The following SEPTIN10 variants were observed in gnomAD, a reference collection of about 807,000 sequenced individuals.
SEPTIN10 encodes the protein septin 10, also known as septin-10.
SEPTIN10 carries 66 observed loss-of-function variants against 54.8 expected under a neutral mutation model. The observed-to-expected ratio is 1.21, with a 90% CI of 0.99 to 1.48. The LOEUF (loss-of-function observed/expected upper bound fraction) is 1.48. Among genes scored for constraint, SEPTIN10 ranks in the 40% most tolerant of loss-of-function variants. SEPTIN10 has a pLI of 0.00. For synonymous variants in SEPTIN10, 161 were observed against 181.0 expected (o/e 0.89, Z 0.89); for missense variants, 620 against 545.6 (o/e 1.14, Z -1.36).
rs1258894314 is a variant in SEPTIN10 at position 109,613,965 on chromosome 2, G to A, written c.-138C>T. 6.6e-6 allele frequency: 8 copies of A among 1,205,112 alleles called. No individual in the cohort carries two copies. The African/African-American group carries it at 9.5e-5, about 14-fold the overall frequency. The allele number at this position is 1,205,112 out of a possible 1,614,324, so 74.7% of individuals were successfully genotyped here. On this transcript the variant is annotated 5_prime_UTR_variant, in exon 1 of 11. Transcript: ENST00000397712. ...CTAGGCTGCCTCCGCGACGGGGAAG[G>A]GACAGGGGCGGGGCCGAGCTGGAGG... is the stretch of plus-strand genomic sequence containing the variant.
intron 1 of SEPTIN10, among the ~76,000 whole-genome samples, chr2:109,607,228 G>GT (rs1250260159): frequency 2.0e-5 from 3 of 152,156 alleles, no homozygotes; most frequent in Non-Finnish European, 2.9e-5. Flanking sequence ...GCTGCTTGGA[G>GT]TAAGACTACA....
At chr2:109,606,279 G>A (rs955366468) in intron 1 of SEPTIN10, among the ~76,000 whole-genome samples, 9 of 152,082 alleles carry the variant, frequency 5.9e-5, no homozygotes, top group African/African-American at 2.2e-4. Context: ...GCTGGGTGTG[G>A]TGGCACATGC....
chr2:109,579,594 G>A (rs1690601630), intron 4 of SEPTIN10, among the ~76,000 whole-genome samples: 1 of 151,300 alleles, frequency 6.6e-6, no homozygotes, highest in Non-Finnish European at 1.5e-5. Context: ...TGCTGGTCAG[G>A]CTGGTCTCAA....
chr2:109,546,169 T>A lies in SEPTIN10; in HGVS notation c.1230A>T (p.Arg410Ser). 1 of 1,609,764 alleles carries A rather than the reference T, an allele frequency of 6.2e-7. No individual in the cohort carries two copies. The highest frequency in any genetic ancestry group is 8.5e-7 in the Non-Finnish European group (1 of 1,178,452). The change falls in exon 10 of 11, where the codon AGA becomes AGT. Residue 410 changes from arginine to serine, a missense_variant. By Grantham distance (110) the Arg-to-Ser change is moderately radical. Transcript: ENST00000397712. The stretch of plus-strand genomic sequence containing the variant: ...CAATTATTTCTTCTTCCAAAAGTCT[T>A]CTCTTTTCTTCAAGCTTCATTCTCT... ...QEERMKLEEK[R>S]RLLEEEIIAF...
Position 109,589,106 on chromosome 2 carries a change from TTTTG to T in SEPTIN10, c.100-3272_100-3269del, listed in dbSNP as rs910047204. ...CACGCCTGGGTAATTTTTGTGGTTTTTTTGTTTGTTTGTTTGTTGTTGTTGGTTT... is the reference window on the plus strand; with the variant it reads ...CACGCCTGGGTAATTTTTGTGGTTTTTTTGTTTGTTTGTTGTTGTTGGTTT... On this transcript the variant is annotated intron_variant, in intron 2 of 10. Transcript: ENST00000397712. Among the ~76,000 whole-genome samples, 51 of 150,818 alleles carry T rather than the reference TTTTG, an allele frequency of 3.4e-4. 1 individual carries two copies. Among genetic ancestry groups the T allele is most frequent in the African/African-American group, 7.7e-4 (31 of 40,288 alleles).
At chr2:109,570,895 G>A (rs1437305427) in intron 5 of SEPTIN10, among the ~76,000 whole-genome samples, 1 of 152,162 alleles carries the variant, frequency 6.6e-6, no homozygotes, top group Admixed American at 6.5e-5. Context: ...GTTATATACA[G>A]TCATGTGTGG....
rs1689272153 is a variant in SEPTIN10, at chr2:109,574,761, T to C, written c.420A>G (p.Gln140=). Reference sequence around the variant, plus strand: ...GAGCATCTATGTAGTCAACTATTGGTTGGTAGCTGAAAAATTATTTAAATG... The same window carrying C: ...GAGCATCTATGTAGTCAACTATTGGCTGGTAGCTGAAAAATTATTTAAATG... ...GDQINKEESY[Q]PIVDYIDAQF... is the part of the protein sequence containing the mutation. Residue 140 remains glutamine (Q), a synonymous_variant, in exon 5 of 11, where the codon CAA becomes CAG. Coordinates refer to ENST00000397712, the MANE Select transcript of SEPTIN10 (RefSeq NM_144710.5). The C allele has an allele frequency of 1.3e-6, 2 of 1,571,062 alleles. No homozygotes were observed. Among genetic ancestry groups the C allele is most frequent in the South Asian group, 2.4e-5 (2 of 83,016 alleles).
At chr2:109,574,149 T>G (rs1389825945) in intron 5 of SEPTIN10, among the ~76,000 whole-genome samples, 1 of 152,068 alleles carries the variant, frequency 6.6e-6, no homozygotes, top group Non-Finnish European at 1.5e-5. Context: ...GTTTTAAAGA[T>G]TTCCAGGCGC....
intron 2 of SEPTIN10, 115 bp downstream of exon 2, chr2:109,592,936 G>A: frequency 1.8e-6 from 1 of 545,572 alleles, no homozygotes; most frequent in Admixed American, 3.7e-5. Flanking sequence ...CACGTTGGAG[G>A]TAAGTACAAA....
intron 5 of SEPTIN10, among the ~76,000 whole-genome samples, chr2:109,571,112 C>CAA (rs921126618): frequency 2.0e-5 from 3 of 152,134 alleles, no homozygotes; most frequent in African/African-American, 7.2e-5. Context: ...TCCTCCTTCT[C>CAA]AGGTCATATA....
intron 2 of SEPTIN10, among the ~76,000 whole-genome samples, chr2:109,590,345 CAG>C (rs1270538227): frequency 6.6e-6 from 1 of 152,010 alleles, no homozygotes; most frequent in Non-Finnish European, 1.5e-5. Flanking sequence ...AGAGATTTTA[CAG>C]AGTGATTAAG....
intron 9 of SEPTIN10, among the ~76,000 whole-genome samples, chr2:109,551,432 C>A (rs78580113): frequency 1.2e-4 from 18 of 152,106 alleles, no homozygotes; most frequent in Non-Finnish European, 1.5e-4. Context: ...ACATAATACC[C>A]ATGTACAATA....
chr2:109,567,536 C>T (rs183580590), intron 6 of SEPTIN10, among the ~76,000 whole-genome samples: 60 of 152,300 alleles, frequency 3.9e-4, no homozygotes, highest in Admixed American at 7.2e-4. Flanking sequence ...AAGGCAATTA[C>T]ATATGGCTGC....
intron 4 of SEPTIN10, among the ~76,000 whole-genome samples, chr2:109,577,392 G>A (rs544613422): frequency 6.6e-6 from 1 of 151,944 alleles, no homozygotes. Flanking sequence ...TCAGGAGTTC[G>A]AGACCAGCCT....
intron 4 of SEPTIN10, among the ~76,000 whole-genome samples, chr2:109,581,859 C>G (rs1691226424): frequency 6.6e-6 from 1 of 152,116 alleles, no homozygotes; most frequent in Admixed American, 6.6e-5. Context: ...AAAAGGCATC[C>G]AAATAGGAAA....
chr2:109,560,200 G>A (rs1047465687), intron 8 of SEPTIN10, among the ~76,000 whole-genome samples: 2 of 152,272 alleles, frequency 1.3e-5, no homozygotes, highest in Admixed American at 6.5e-5. Flanking sequence ...GATTACAGGC[G>A]TGAGCCACCG....
intron 8 of SEPTIN10, among the ~76,000 whole-genome samples, chr2:109,562,911 CTTTT>C (rs200795314): frequency 2.1e-5 from 3 of 145,824 alleles, no homozygotes; most frequent in South Asian, 4.3e-4. Context: ...ACACACAATG[CTTTT>C]TTTTTTTTTC....
intron 1 of SEPTIN10, among the ~76,000 whole-genome samples, chr2:109,611,042 G>A (rs1018476229): frequency 6.6e-6 from 1 of 152,132 alleles, no homozygotes; most frequent in African/African-American, 2.4e-5. Flanking sequence ...ACACAAATAT[G>A]CTCAACTGAC....
intron 6 of SEPTIN10, among the ~76,000 whole-genome samples, chr2:109,566,379 A>G (rs887187144): frequency 2.0e-5 from 3 of 152,018 alleles, no homozygotes; most frequent in Non-Finnish European, 2.9e-5. Flanking sequence ...TCTTGGGATT[A>G]TAGGTGTGAG....
Sources: allele counts gnomAD v4.1 joint callset (sites outside exome capture counted in the v4.1 genomes callset), GRCh38; gene constraint gnomAD v4.1.1; transcripts MANE v1.5; gene names NCBI Gene and HGNC (gene_info 2026-07-23, HGNC 2026-07-21).